CNGA1: variants seen among roughly 807,000 people sequenced by gnomAD.
CNGA1 encodes the protein cyclic nucleotide gated channel subunit alpha 1.
CNGA1 carries 53 observed loss-of-function variants against 69.7 expected under a neutral mutation model. That is an observed-to-expected ratio of 0.76 (90% confidence interval 0.61 to 0.96). CNGA1 has a LOEUF of 0.96. Among genes scored for constraint, CNGA1 ranks in the 40% least tolerant of loss-of-function variants. The pLI is 0.00. For missense variants in CNGA1, 739 were observed against 811.2 expected (o/e 0.91, Z 1.08); for synonymous variants, 249 against 283.5 (o/e 0.88, Z 1.22).
chr4:47,953,837 G>A (rs1038370017), intron 3 of CNGA1, among the ~76,000 whole-genome samples: 2 of 152,168 alleles, frequency 1.3e-5, no homozygotes, highest in African/African-American at 4.8e-5. Context: ...ACGGGAAGGG[G>A]GACAGGGAAG....
intron 3 of CNGA1, among the ~76,000 whole-genome samples, chr4:47,966,836 A>G: frequency 6.6e-6 from 1 of 152,242 alleles, no homozygotes; most frequent in East Asian, 1.9e-4. Context: ...CACAATAATA[A>G]TGACAAAAAA....
intron 1 of CNGA1, among the ~76,000 whole-genome samples, chr4:48,014,506 A>G (rs1228514384): frequency 1.3e-5 from 2 of 152,188 alleles, no homozygotes; most frequent in Non-Finnish European, 2.9e-5. Flanking sequence ...CATTTTTTAA[A>G]GTCTGTTTTG....
rs1241747611 is a variant in CNGA1 at position 48,016,619 on chromosome 4, C to T, written c.-359G>A. On this transcript the variant is annotated 5_prime_UTR_variant, in exon 1 of 11. Coordinates refer to ENST00000514170, the MANE Select transcript of CNGA1 (RefSeq NM_001379270.1). Reference sequence around the variant, plus strand: ...ATACACCAGTTATCACAGGCCGCTCCCAGGCCTGCGGGGGCCCTGAGAATT... The same window carrying T: ...ATACACCAGTTATCACAGGCCGCTCTCAGGCCTGCGGGGGCCCTGAGAATT... 3 of 543,660 alleles carry T rather than the reference C, an allele frequency of 5.5e-6. No homozygotes were observed. The highest frequency in any genetic ancestry group is 6.4e-6 in the Non-Finnish European group (2 of 312,544). The allele number at this position is 543,660 out of a possible 1,614,324, so 33.7% of individuals were successfully genotyped here.
At chr4:47,997,668 T>G (rs1305400835) in intron 2 of CNGA1, among the ~76,000 whole-genome samples, 1 of 152,208 alleles carries the variant, frequency 6.6e-6, no homozygotes, top group Non-Finnish European at 1.5e-5. Context: ...CATTATTTGG[T>G]GGTAGTGCTG....
At chr4:47,952,368 AAAATAAATAAATAAATAAAT>A (rs10665658) in intron 4 of CNGA1, among the ~76,000 whole-genome samples, 195 bp downstream of exon 4, 2 of 144,516 alleles carry the variant, frequency 1.4e-5, no homozygotes, top group Admixed American at 6.9e-5. Flanking sequence ...ACTCCATCTC[AAAATAAATAAATAAATAAAT>A]AAATAAATAA....
chr4:47,963,438 C>A (rs1311120860), intron 3 of CNGA1, among the ~76,000 whole-genome samples: 1 of 152,202 alleles, frequency 6.6e-6, no homozygotes, highest in African/African-American at 2.4e-5. Context: ...CACCTGGTCT[C>A]TTTTGGAACA....
intron 6 of CNGA1, among the ~76,000 whole-genome samples, chr4:47,945,232 A>T (rs1739323367): frequency 6.6e-6 from 1 of 152,206 alleles, no homozygotes; most frequent in Non-Finnish European, 1.5e-5. Context: ...TTAAATTTTA[A>T]AAAAATCAGA....
chr4:47,951,297 A>T, intron 5 of CNGA1, 56 bp downstream of exon 5: 1 of 1,154,836 alleles, frequency 8.7e-7, no homozygotes, highest in East Asian at 2.3e-5. Context: ...AAAACACTGC[A>T]ACCTTAAGCA....
At chr4:47,951,565 T>G (rs998381416) in intron 4 of CNGA1, 96 bp from the exon 5 acceptor site, 5 of 806,820 alleles carry the variant, frequency 6.2e-6, no homozygotes, top group Non-Finnish European at 1.1e-5. Flanking sequence ...GCCTCACCTC[T>G]TTTCCTTCCC....
intron 2 of CNGA1, among the ~76,000 whole-genome samples, chr4:47,997,651 G>A (rs980343661): frequency 4.6e-5 from 7 of 152,028 alleles, no homozygotes; most frequent in African/African-American, 1.7e-4. Flanking sequence ...TGATAATCAA[G>A]ATTTTACATT....
intron 2 of CNGA1, among the ~76,000 whole-genome samples, chr4:48,000,818 TA>T (rs1344683298): frequency 2.0e-5 from 3 of 152,208 alleles, no homozygotes; most frequent in Admixed American, 2.0e-4. Context: ...GTAGTATTTT[TA>T]ATGTGCTGAA....
chr4:47,987,809 G>C (rs1352534056), intron 2 of CNGA1, among the ~76,000 whole-genome samples: 1 of 152,164 alleles, frequency 6.6e-6, no homozygotes, highest in Admixed American at 6.5e-5. Context: ...GCAGAGACCT[G>C]AATATAGACA....
chr4:47,971,374 T>C (rs1741029833), intron 3 of CNGA1, among the ~76,000 whole-genome samples: 1 of 152,048 alleles, frequency 6.6e-6, no homozygotes, highest in African/African-American at 2.4e-5. Flanking sequence ...AATTAATTAC[T>C]TAGTGAATAT....
At position 47,951,341 on chromosome 4, in the gene CNGA1, C is replaced by G; in HGVS notation, c.224+12G>C. On this transcript the variant is annotated intron_variant, in intron 5 of 10. Coordinates refer to ENST00000514170, the MANE Select transcript of CNGA1 (RefSeq NM_001379270.1). ...TAAAAACAAGCACCAAGGGATGGAT[C>G]ATACTGCTCACCTCTGTGATGGTCC... The G allele has an allele frequency of 6.6e-7, 1 of 1,522,180 alleles. No individual in the cohort carries two copies. The highest frequency in any genetic ancestry group is 1.1e-5 in the South Asian group (1 of 89,230). The allele number at this position is 1,522,180 out of a possible 1,614,324, so 94.3% of individuals were successfully genotyped here.
In CNGA1 at chr4:47,936,930, CT is replaced by C; in HGVS notation, c.1551del (p.Gly518AlafsTer17). On this transcript the variant is annotated frameshift_variant, in exon 11 of 11. Coordinates refer to ENST00000514170, the MANE Select transcript of CNGA1 (RefSeq NM_001379270.1). LOFTEE classifies it high-confidence loss of function. ...DIGREMYIIK[E>X]GKLAVVADDG... ...TCATCTGCCACCACAGCGAGTTTGCCTTCCTTGATAATGTACATCTCTCGTC... is the reference window on the plus strand; with the variant it reads ...TCATCTGCCACCACAGCGAGTTTGCCTCCTTGATAATGTACATCTCTCGTC... 1 of 1,614,082 alleles carries C rather than the reference CT, an allele frequency of 6.2e-7. No individual in the cohort carries two copies. The highest frequency in any genetic ancestry group is 8.5e-7 in the Non-Finnish European group (1 of 1,179,984).
intron 2 of CNGA1, among the ~76,000 whole-genome samples, chr4:47,991,743 A>T (rs1371540165): frequency 1.3e-5 from 2 of 152,162 alleles, no homozygotes; most frequent in African/African-American, 4.8e-5. Flanking sequence ...ACTCTGCCTA[A>T]GCCAATGTCT....
rs753754324 is a variant in CNGA1 at position 47,936,880 on chromosome 4, C to T, written c.1602G>A (p.Leu534=). Residue 534 remains leucine (L), a synonymous_variant, in exon 11 of 11, where the codon TTG becomes TTA. Coordinates refer to ENST00000514170, the MANE Select transcript of CNGA1 (RefSeq NM_001379270.1). ...ADDGVTQFVV[L]SDGSYFGEIS... is the part of the protein sequence containing the mutation. ...TCTCACCGAAGTAGCTGCCATCGCT[C>T]AATACCACAAACTGAGTGACTCCAT... 2 of 1,614,124 alleles carry T rather than the reference C, an allele frequency of 1.2e-6. No homozygotes were observed. The highest frequency in any genetic ancestry group is 1.7e-5 in the Admixed American group (1 of 60,014).
intron 3 of CNGA1, among the ~76,000 whole-genome samples, chr4:47,954,216 C>T (rs1459090662): frequency 6.6e-6 from 1 of 152,078 alleles, no homozygotes; most frequent in Admixed American, 6.5e-5. Context: ...ATCCCCACAC[C>T]CCTCCACCTT....
chr4:47,951,238 T>A, intron 5 of CNGA1, 115 bp downstream of exon 5: 1 of 710,918 alleles, frequency 1.4e-6, no homozygotes, highest in Non-Finnish European at 2.6e-6. Flanking sequence ...TGGGAGTTAT[T>A]TCTATCCTAC....
Sources: gnomAD v4.1 joint callset for allele counts (sites outside exome capture counted in the v4.1 genomes callset) on GRCh38, gnomAD v4.1.1 for gene constraint, MANE v1.5 for transcripts, NCBI Gene and HGNC (gene_info 2026-07-23, HGNC 2026-07-21) for gene names.